Variants in CERT1 observed in about 807,000 individuals in gnomAD.
CERT1 encodes the protein ceramide transporter 1.
Under a neutral mutation model 87.9 loss-of-function variants are expected in CERT1, and 31 were observed. The observed-to-expected ratio is 0.35, with a 90% CI of 0.27 to 0.48. CERT1 has a LOEUF of 0.48. CERT1 is among the 20% of genes least tolerant of loss of function. CERT1 has a pLI of 0.99. For missense variants in CERT1, 487 were observed against 758.0 expected (o/e 0.64, Z 4.20); for synonymous variants, 289 against 250.9 (o/e 1.15, Z -1.44).
intron 16 of CERT1, among the ~76,000 whole-genome samples, chr5:75,380,004 AC>A (rs1761499127): frequency 6.6e-6 from 1 of 152,210 alleles, no homozygotes; most frequent in Non-Finnish European, 1.5e-5. Flanking sequence ...TCCCGAAATT[AC>A]CTGCAAAAAT....
intron 8 of CERT1, among the ~76,000 whole-genome samples, chr5:75,409,523 A>G (rs1469245398): frequency 6.6e-6 from 1 of 151,674 alleles, no homozygotes; most frequent in Non-Finnish European, 1.5e-5. Context: ...CTCATTTCAG[A>G]AATATCAACA....
intron 1 of CERT1, among the ~76,000 whole-genome samples, chr5:75,508,242 TTG>T (rs1767748965): frequency 6.6e-6 from 1 of 152,048 alleles, no homozygotes; most frequent in Non-Finnish European, 1.5e-5. Flanking sequence ...CTTATTCTCT[TTG>T]TGTTCTTTTT....
chr5:75,441,065 A>C (rs1764300232), intron 3 of CERT1, among the ~76,000 whole-genome samples: 1 of 152,172 alleles, frequency 6.6e-6, no homozygotes, highest in African/African-American at 2.4e-5. Context: ...TTGGTATAAA[A>C]GTGTTTTGTT....
At chr5:75,420,991 T>C (rs1158323516) in intron 5 of CERT1, among the ~76,000 whole-genome samples, 1 of 152,118 alleles carries the variant, frequency 6.6e-6, no homozygotes, top group Non-Finnish European at 1.5e-5. Context: ...CTAATTTTTG[T>C]AGAGATGAGG....
intron 2 of CERT1, among the ~76,000 whole-genome samples, chr5:75,479,393 C>G (rs1035726090): frequency 1.3e-5 from 2 of 151,926 alleles, no homozygotes; most frequent in African/African-American, 4.8e-5. Context: ...GTTTCATCAC[C>G]CAGGTATTAA....
chr5:75,433,156 T>C (rs534367913), intron 3 of CERT1, among the ~76,000 whole-genome samples: 4 of 152,332 alleles, frequency 2.6e-5, no homozygotes, highest in Non-Finnish European at 5.9e-5. Context: ...TTCTTTTTGC[T>C]GAGGATTGTT....
chr5:75,423,614 G>A (rs962464299), intron 5 of CERT1, among the ~76,000 whole-genome samples: 6 of 152,142 alleles, frequency 3.9e-5, no homozygotes, highest in African/African-American at 1.4e-4. Context: ...GACGGTGTAT[G>A]CCTGTAGTCC....
At chr5:75,464,430 G>T (rs1211602446) in intron 2 of CERT1, among the ~76,000 whole-genome samples, 1 of 152,132 alleles carries the variant, frequency 6.6e-6, no homozygotes, top group African/African-American at 2.4e-5. Context: ...CAGAGAATAG[G>T]GTACAGGGTG....
chr5:75,509,481 A>G (rs1433103381), intron 1 of CERT1, among the ~76,000 whole-genome samples: 10 of 152,200 alleles, frequency 6.6e-5, no homozygotes, highest in Admixed American at 6.5e-4. Context: ...ATGCAGCAAC[A>G]GTCAAAATTT....
intron 1 of CERT1, 102 bp from the exon 2 acceptor site, chr5:75,506,218 C>T (rs1196989632): frequency 1.4e-5 from 15 of 1,084,878 alleles, no homozygotes; most frequent in East Asian, 1.0e-4. Flanking sequence ...AAAACCAAAA[C>T]GTGAAAAGTC....
chr5:75,424,134 T>C (rs1469128056), intron 5 of CERT1, among the ~76,000 whole-genome samples: 1 of 152,210 alleles, frequency 6.6e-6, no homozygotes, highest in Non-Finnish European at 1.5e-5. Flanking sequence ...AAAGTTAAAC[T>C]ATAAACCTAA....
chr5:75,453,235 G>A (rs1764832444), intron 3 of CERT1, among the ~76,000 whole-genome samples: 1 of 152,050 alleles, frequency 6.6e-6, no homozygotes. Context: ...GGATTTTAAG[G>A]GGGAAAAGCC....
At position 75,469,246 on chromosome 5, in the gene CERT1, T is replaced by C. The variant is rs191476930; in HGVS notation, c.232-10065A>G. On this transcript the variant is annotated intron_variant, in intron 2 of 16. Transcript: ENST00000643780. ...ATCTGTGAACTTGAAGGCAGGTTAT[T>C]TGAAAATATATGGTCAGGAAAAAAA... Among the ~76,000 whole-genome samples, 121 of 152,040 alleles carry C rather than the reference T, an allele frequency of 8.0e-4. 1 individual carries two copies. The highest frequency in any genetic ancestry group is 6.1e-3 in the Admixed American group (93 of 15,256).
At chr5:75,477,302 A>G (rs1384029977) in intron 2 of CERT1, among the ~76,000 whole-genome samples, 1 of 152,168 alleles carries the variant, frequency 6.6e-6, no homozygotes, top group Non-Finnish European at 1.5e-5. Flanking sequence ...TCTCTGATCC[A>G]TAACATCAAG....
Position 75,400,190 on chromosome 5 carries a change from C to G in CERT1, c.1110+15G>C, listed in dbSNP as rs1561234744. ...ATACAAGGTGTACTTTTAGTAAACT[C>G]TGACATTAGCTTACCTTTTGGACAA... On this transcript the variant is annotated intron_variant, in intron 10 of 16. Transcript: ENST00000643780. 6.5e-7 allele frequency: 1 copy of G among 1,531,940 alleles called. No individual in the cohort carries two copies. Among genetic ancestry groups the G allele is most frequent in the Non-Finnish European group, 9.0e-7 (1 of 1,107,178 alleles). The allele number at this position is 1,531,940 out of a possible 1,614,324, so 94.9% of individuals were successfully genotyped here. A position where few individuals can be genotyped will look rare whatever the true frequency, so the allele number is the denominator to read the frequency against.
intron 3 of CERT1, among the ~76,000 whole-genome samples, chr5:75,440,679 A>T (rs1764286332): frequency 6.6e-6 from 1 of 152,110 alleles, no homozygotes; most frequent in Non-Finnish European, 1.5e-5. Flanking sequence ...CTGTGTCTTA[A>T]GCAATGACTT....
chr5:75,400,360 G>T, intron 9 of CERT1, 63 bp from the exon 10 acceptor site: 1 of 1,156,502 alleles, frequency 8.6e-7, no homozygotes, highest in Non-Finnish European at 1.3e-6. Context: ...CTCAAGAATG[G>T]ATAATATAAC....
chr5:75,456,731 A>AT (rs1192973461), intron 3 of CERT1, among the ~76,000 whole-genome samples: 3 of 151,364 alleles, frequency 2.0e-5, no homozygotes, highest in South Asian at 2.1e-4. Context: ...GCAGTTGAGT[A>AT]TTTTTTTCAG....
At chr5:75,497,419 A>C (rs1767127051) in intron 2 of CERT1, among the ~76,000 whole-genome samples, 1 of 152,184 alleles carries the variant, frequency 6.6e-6, no homozygotes. Context: ...TAATCAGTTA[A>C]GGAAGCTGAA....
Sources: gnomAD v4.1 joint callset for allele counts (sites outside exome capture counted in the v4.1 genomes callset) on GRCh38, gnomAD v4.1.1 for gene constraint, MANE v1.5 for transcripts, NCBI Gene and HGNC (gene_info 2026-07-23, HGNC 2026-07-21) for gene names.